The following TAF4B variants were observed in gnomAD, a reference collection of about 807,000 sequenced individuals.
The protein encoded by TAF4B is transcription initiation factor TFIID subunit 4B.
Under a neutral mutation model 86.4 loss-of-function variants are expected in TAF4B, and 38 were observed. The observed-to-expected ratio is 0.44, with a 90% CI of 0.34 to 0.58. TAF4B has a LOEUF of 0.58. Ranked by LOEUF, TAF4B falls within the 20% of genes least tolerant of loss-of-function variation. TAF4B has a pLI of 0.02. For synonymous variants in TAF4B, 388 were observed against 391.2 expected (o/e 0.99, Z 0.10); for missense variants, 988 against 1,027.6 (o/e 0.96, Z 0.53).
At chr18:26,345,919 G>C (rs1312547264) in intron 13 of TAF4B, among the ~76,000 whole-genome samples, 2 of 152,198 alleles carry the variant, frequency 1.3e-5, no homozygotes, top group African/African-American at 4.8e-5. Flanking sequence ...TGGACATTCA[G>C]TGAAATCAGG....
In TAF4B at chr18:26,315,138, C is replaced by CTCTCTCTCTG. The variant is rs2056892213; in HGVS notation, c.1833-84_1833-83insCTGTCTCTCT. ...TCTCTCTCTCTCTCTCTCTCTCTCT[C>CTCTCTCTCTG]TCTCTCTGTCTCTCTCTCTCTCTCA... On this transcript the variant is annotated intron_variant, in intron 9 of 14. Transcript: ENST00000269142. 1.4e-5 allele frequency: 3 copies of CTCTCTCTCTG among 216,134 alleles called. No individual in the cohort carries two copies. In the African/African-American group the frequency reaches 1.9e-4, roughly 14 times the overall value. 13.4% of individuals were successfully genotyped at this position (216,134 alleles called of 1,614,324 possible). A position where few individuals can be genotyped will look rare whatever the true frequency, so the allele number is the denominator to read the frequency against.
At chr18:26,269,919 AAGG>A (rs1298136655) in intron 3 of TAF4B, among the ~76,000 whole-genome samples, 1 of 152,178 alleles carries the variant, frequency 6.6e-6, no homozygotes, top group Admixed American at 6.5e-5. Flanking sequence ...GATAAATTTT[AAGG>A]AGATTATTGG....
chr18:26,286,334 A>G lies in TAF4B; in HGVS notation c.1425A>G (p.Ser475=). ...CAGCAGTAACTTTTGGAGAAACTTCAGGTGCAGCTATTTGTCTTCCATCTG... is the reference window on the plus strand; with the variant it reads ...CAGCAGTAACTTTTGGAGAAACTTCGGGTGCAGCTATTTGTCTTCCATCTG... ...SLPAVTFGET[S]GAAICLPSVK... is the part of the protein sequence containing the mutation. The change falls in exon 7 of 15, where the codon TCA becomes TCG. Residue 475 remains serine, a synonymous_variant. Transcript: ENST00000269142. 5 of 1,614,214 alleles carry G rather than the reference A, an allele frequency of 3.1e-6. No homozygotes were observed. The highest frequency in any genetic ancestry group is 4.2e-6 in the Non-Finnish European group (5 of 1,180,024).
intron 3 of TAF4B, among the ~76,000 whole-genome samples, chr18:26,272,611 G>A (rs1388293974): frequency 1.3e-5 from 2 of 152,026 alleles, no homozygotes; most frequent in Non-Finnish European, 2.9e-5. Flanking sequence ...CCTGAGGGAG[G>A]GGGACAGTAC....
rs900614385 is a variant in TAF4B at position 26,265,849 on chromosome 18, C to T, written c.489+534C>T. ...GGATTATAGGTGTGAGCCACTGCAC[C>T]TGGCCTATTTGCATCTTAAATGGAA... On this transcript the variant is annotated intron_variant, in intron 2 of 14. Coordinates refer to ENST00000269142, the MANE Select transcript of TAF4B (RefSeq NM_005640.3). Among the ~76,000 whole-genome samples, 3 of 151,298 alleles carry T rather than the reference C, an allele frequency of 2.0e-5. No individual in the cohort carries two copies. In the East Asian group the frequency reaches 5.9e-4, roughly 30 times the overall value.
At chr18:26,334,922 C>T (rs2057078807) in intron 12 of TAF4B, among the ~76,000 whole-genome samples, 1 of 152,116 alleles carries the variant, frequency 6.6e-6, no homozygotes, top group African/African-American at 2.4e-5. Flanking sequence ...CATGCCTCAA[C>T]TGGACCTGAC....
At chr18:26,343,480 C>T (rs1399529867) in intron 13 of TAF4B, among the ~76,000 whole-genome samples, 2 of 152,188 alleles carry the variant, frequency 1.3e-5, no homozygotes, top group Non-Finnish European at 2.9e-5. Context: ...AATAACATTG[C>T]AAAAGCTTTG....
intron 7 of TAF4B, among the ~76,000 whole-genome samples, chr18:26,289,285 C>T (rs1005075868): frequency 2.0e-5 from 3 of 152,134 alleles, no homozygotes; most frequent in Admixed American, 1.3e-4. Context: ...TATAAAATAA[C>T]GTATTCCATG....
chr18:26,258,252 CAA>C (rs560676496), intron 1 of TAF4B, among the ~76,000 whole-genome samples: 10 of 112,682 alleles, frequency 8.9e-5, no homozygotes, highest in Non-Finnish European at 5.8e-5. Flanking sequence ...GACTCCATCT[CAA>C]AAAAAAAAAA....
At chr18:26,336,377 C>G (rs1224953830) in intron 13 of TAF4B, among the ~76,000 whole-genome samples, 4 of 152,010 alleles carry the variant, frequency 2.6e-5, no homozygotes, top group African/African-American at 7.2e-5. Context: ...TTTAAAGGCC[C>G]TTATTGTTTG....
At chr18:26,265,401 A>G in intron 2 of TAF4B, 86 bp downstream of exon 2, 1 of 1,382,152 alleles carries the variant, frequency 7.2e-7, no homozygotes, top group Non-Finnish European at 9.6e-7. Flanking sequence ...TGCTAGTAAA[A>G]AATAATGTAA....
chr18:26,346,040 C>G (rs1247575227), intron 13 of TAF4B, among the ~76,000 whole-genome samples: 1 of 152,120 alleles, frequency 6.6e-6, no homozygotes, highest in East Asian at 1.9e-4. Flanking sequence ...TGGAGCATAG[C>G]TCACTGTAAC....
At chr18:26,364,259 C>A (rs568326863) in intron 14 of TAF4B, among the ~76,000 whole-genome samples, 2 of 152,116 alleles carry the variant, frequency 1.3e-5, no homozygotes, top group African/African-American at 4.8e-5. Flanking sequence ...ATATTTATAC[C>A]ATAAGCTTAT....
In TAF4B at chr18:26,322,119, G is replaced by T. The variant is rs193159194; in HGVS notation, c.2133+919G>T. On this transcript the variant is annotated intron_variant, in intron 11 of 14. Transcript: ENST00000269142. The stretch of plus-strand genomic sequence containing the variant: ...TCTTTCCAAGAAATGTTTATAGCTA[G>T]ATTTTGAACAAGATGGTATGTAGGT... Among the ~76,000 whole-genome samples, 15 of 152,200 alleles carry T rather than the reference G, an allele frequency of 9.9e-5. No homozygotes were observed. In the East Asian group the frequency reaches 2.7e-3, roughly 27 times the overall value.
chr18:26,226,516 A>G lies in TAF4B; in HGVS notation c.-418A>G, dbSNP rs993894049. On this transcript the variant is annotated 5_prime_UTR_variant, in exon 1 of 15. Transcript: ENST00000269142. The stretch of plus-strand genomic sequence containing the variant: ...CAATCGCGCGTAGGGGGCTGTGGGC[A>G]CTCGGGGTTCGTAGTTTTGAAATTT... The G allele has an allele frequency of 6.4e-6, 1 of 155,362 alleles. No individual in the cohort carries two copies. Among genetic ancestry groups the G allele is most frequent in the Non-Finnish European group, 1.4e-5 (1 of 70,412 alleles). 9.6% of individuals were successfully genotyped at this position (155,362 alleles called of 1,614,324 possible).
rs776976703 is a variant in TAF4B at position 26,285,222 on chromosome 18, G to GTTTTTTTTTTTTTT, written c.973-659_973-646dup. On this transcript the variant is annotated intron_variant, in intron 6 of 14. Transcript: ENST00000269142. ...ATTTCTTCCTTTCCTTTTTTTTTTT[G>GTTTTTTTTTTTTTT]TTTTTTTTTTTTTTGGAGATGGGGT... Among the ~76,000 whole-genome samples, 35 of 45,672 alleles carry GTTTTTTTTTTTTTT rather than the reference G, an allele frequency of 7.7e-4. 2 individuals carry two copies. Among genetic ancestry groups the GTTTTTTTTTTTTTT allele is most frequent in the South Asian group, 2.7e-3 (2 of 736 alleles). 30.0% of individuals were successfully genotyped at this position (45,672 alleles called of 152,430 possible). A position where few individuals can be genotyped will look rare whatever the true frequency, so the allele number is the denominator to read the frequency against.
At chr18:26,293,103 A>T (rs2056614990) in intron 8 of TAF4B, among the ~76,000 whole-genome samples, 1 of 152,112 alleles carries the variant, frequency 6.6e-6, no homozygotes, top group Admixed American at 6.5e-5. Flanking sequence ...TACCAATGTC[A>T]GGTAGAGCTT....
At chr18:26,353,107 A>G (rs756502966) in intron 13 of TAF4B, among the ~76,000 whole-genome samples, 3 of 152,192 alleles carry the variant, frequency 2.0e-5, no homozygotes, top group African/African-American at 4.8e-5. Flanking sequence ...TAAACCCACA[A>G]AGATGTTACA....
chr18:26,345,975 C>CT (rs2057175939), intron 13 of TAF4B, among the ~76,000 whole-genome samples: 2 of 152,114 alleles, frequency 1.3e-5, no homozygotes, highest in Non-Finnish European at 2.9e-5. Flanking sequence ...TTTTATTTGT[C>CT]TTTTTTAGAG....
Sources: gnomAD v4.1 joint callset for allele counts (sites outside exome capture counted in the v4.1 genomes callset) on GRCh38, gnomAD v4.1.1 for gene constraint, MANE v1.5 for transcripts, NCBI Gene and HGNC (gene_info 2026-07-23, HGNC 2026-07-21) for gene names.